The following ZC4H2 variants were observed in gnomAD, a reference collection of about 807,000 sequenced individuals.
The protein encoded by ZC4H2 is zinc finger C4H2 domain-containing protein.
For missense variants in ZC4H2, 137 were observed against 173.9 expected (o/e 0.79, Z 1.19); for synonymous variants, 84 against 66.3 (o/e 1.27, Z -1.30).
intron 1 of ZC4H2, among the ~76,000 whole-genome samples, chrX:64,975,518 T>A (rs1931919375): frequency 8.9e-6 from 1 of 112,038 alleles, no homozygotes; most frequent in Admixed American, 9.4e-5. Flanking sequence ...GGGCTCACGC[T>A]GAGAAGGCGA....
intron 1 of ZC4H2, among the ~76,000 whole-genome samples, chrX:64,991,717 T>C (rs1170367396): frequency 8.9e-6 from 1 of 112,052 alleles, no homozygotes; most frequent in Non-Finnish European, 1.9e-5. Flanking sequence ...GAAAAACTTG[T>C]ATGTGAATGT....
intron 1 of ZC4H2, among the ~76,000 whole-genome samples, chrX:64,948,749 T>C (rs1930657419): frequency 8.9e-6 from 1 of 111,883 alleles, no homozygotes; most frequent in African/African-American, 3.2e-5. Flanking sequence ...CTGAAAAAAG[T>C]TTTATATGCA....
At chrX:64,953,982 G>C (rs1233816466) in intron 1 of ZC4H2, among the ~76,000 whole-genome samples, 1 of 110,156 alleles carries the variant, frequency 9.1e-6, no homozygotes, top group African/African-American at 3.3e-5. Flanking sequence ...GGAATACTAT[G>C]CAGCCATAAA....
chrX:65,001,799 T>G (rs1198225662), intron 1 of ZC4H2, among the ~76,000 whole-genome samples: 1 of 111,805 alleles, frequency 8.9e-6, no homozygotes, highest in Non-Finnish European at 1.9e-5. Flanking sequence ...AATCCTAGTC[T>G]CTGATAAAAC....
chrX:64,926,726 C>G (rs1260316030), intron 1 of ZC4H2, among the ~76,000 whole-genome samples: 1 of 111,556 alleles, frequency 9.0e-6, no homozygotes, highest in East Asian at 2.8e-4. Context: ...TACCATTGAC[C>G]CTTGAAGAAC....
intron 1 of ZC4H2, among the ~76,000 whole-genome samples, chrX:64,966,878 T>A (rs1021137045): frequency 8.0e-5 from 9 of 111,965 alleles, no homozygotes; most frequent in Non-Finnish European, 1.3e-4. Context: ...GTGATGATTG[T>A]ACAACTCTTT....
At chrX:65,001,840 AAAG>A (rs956979004) in intron 1 of ZC4H2, among the ~76,000 whole-genome samples, 9 of 112,096 alleles carry the variant, frequency 8.0e-5, no homozygotes, top group African/African-American at 2.9e-4. Flanking sequence ...TCAAAAAGAC[AAAG>A]AAGGGTGTTA....
chrX:64,971,846 G>T (rs1265035825), intron 1 of ZC4H2, among the ~76,000 whole-genome samples: 3 of 111,780 alleles, frequency 2.7e-5, no homozygotes, highest in South Asian at 3.8e-4. Context: ...TTCCAAAATG[G>T]TTTTTCTTTT....
intron 1 of ZC4H2, among the ~76,000 whole-genome samples, chrX:65,016,703 G>C (rs1411305079): frequency 8.9e-6 from 1 of 111,960 alleles, no homozygotes; most frequent in Non-Finnish European, 1.9e-5. Context: ...TGGGAACAGA[G>C]CATCATGTTA....
rs1336410705 is a variant in ZC4H2, at chrX:64,917,732, G to T, written c.*51C>A. 1 of 1,184,355 alleles carries T rather than the reference G, an allele frequency of 8.4e-7. No homozygotes were observed. The highest frequency in any genetic ancestry group is 1.9e-5 in the South Asian group (1 of 53,680). Reference sequence around the variant, plus strand: ...TTCACATCAGGACATCAATGACTCTGGTCAAGGTGAGGGGTTATAATTAGC... The same window carrying T: ...TTCACATCAGGACATCAATGACTCTTGTCAAGGTGAGGGGTTATAATTAGC... On this transcript the variant is annotated 3_prime_UTR_variant, in exon 5 of 5. Coordinates refer to ENST00000374839, the MANE Select transcript of ZC4H2 (RefSeq NM_018684.4).
At chrX:64,933,588 G>A (rs1929853432) in intron 1 of ZC4H2, among the ~76,000 whole-genome samples, 1 of 109,835 alleles carries the variant, frequency 9.1e-6, no homozygotes, top group Admixed American at 9.7e-5. Context: ...AGCCTAGTTT[G>A]ATTCTTGGTG....
Position 64,921,847 on chromosome X carries a change from T to C in ZC4H2, c.195A>G (p.Glu65=). ...LLQEKMAHVE[E]LRLIHADINV... ...TGATGTCAGCGTGGATCAGTCGGAG[T>C]TCCTCCACATGGGCCATCTTCTCCT... Residue 65 remains glutamate, a synonymous_variant, in exon 2 of 5, where the codon GAA becomes GAG. Coordinates refer to ENST00000374839, the MANE Select transcript of ZC4H2 (RefSeq NM_018684.4). 2.5e-6 allele frequency: 3 copies of C among 1,209,823 alleles called. No homozygotes were observed. Among genetic ancestry groups the C allele is most frequent in the Non-Finnish European group, 3.4e-6 (3 of 895,097 alleles).
intron 1 of ZC4H2, among the ~76,000 whole-genome samples, chrX:64,966,589 A>T (rs886917753): frequency 8.9e-6 from 1 of 112,394 alleles, no homozygotes; most frequent in Non-Finnish European, 1.9e-5. Context: ...AAAATGTGCG[A>T]TATCCATGCA....
chrX:65,001,956 C>T (rs911387817), intron 1 of ZC4H2, among the ~76,000 whole-genome samples: 9 of 111,243 alleles, frequency 8.1e-5, no homozygotes, highest in African/African-American at 2.3e-4. Flanking sequence ...TTCTTAGAGA[C>T]GTAAAAAGAG....
At chrX:64,934,232 C>T (rs1929886629) in intron 1 of ZC4H2, among the ~76,000 whole-genome samples, 2 of 112,350 alleles carry the variant, frequency 1.8e-5, no homozygotes, top group South Asian at 3.7e-4. Context: ...GGAAGATTCT[C>T]CTTAAACATG....
At chrX:64,939,895 C>T (rs190788890) in intron 1 of ZC4H2, among the ~76,000 whole-genome samples, 14 of 111,558 alleles carry the variant, frequency 1.3e-4, no homozygotes, top group African/African-American at 4.6e-4. Flanking sequence ...GTCCAAAACA[C>T]CAAAAATAAT....
chrX:64,920,299 C>T (rs759923593), intron 2 of ZC4H2, 46 bp from the exon 3 acceptor site: 1 of 1,159,928 alleles, frequency 8.6e-7, no homozygotes, highest in Admixed American at 2.3e-5. Context: ...TCCTAAGGTT[C>T]TCAGAGAGGA....
intron 1 of ZC4H2, among the ~76,000 whole-genome samples, chrX:64,943,501 G>A (rs1035807608): frequency 2.7e-5 from 3 of 111,807 alleles, no homozygotes; most frequent in Non-Finnish European, 5.6e-5. Context: ...CTTGCTTTAT[G>A]AATCTTGGTG....
intron 1 of ZC4H2, among the ~76,000 whole-genome samples, chrX:64,951,400 A>G (rs775468614): frequency 8.9e-6 from 1 of 111,771 alleles, no homozygotes; most frequent in East Asian, 2.8e-4. Flanking sequence ...CGGTTGAACT[A>G]GTTTACAGTC....
Sources: gnomAD v4.1 joint callset for allele counts (sites outside exome capture counted in the v4.1 genomes callset) on GRCh38, gnomAD v4.1.1 for gene constraint, MANE v1.5 for transcripts, NCBI Gene and HGNC (gene_info 2026-07-23, HGNC 2026-07-21) for gene names.